Variants in FN1 observed in about 807,000 individuals in gnomAD.
The protein encoded by FN1 is fibronectin 1.
Under a neutral mutation model 297.3 loss-of-function variants are expected in FN1, and 106 were observed. That is an observed-to-expected ratio of 0.36 (90% CI 0.30 to 0.42). FN1 has a LOEUF of 0.42. Among genes scored for constraint, FN1 ranks in the 10% least tolerant of loss-of-function variants. FN1 has a pLI of 1.00. For missense variants in FN1, 2,690 were observed against 3,124.9 expected, an observed-to-expected ratio of 0.86 and a Z score of 3.32; for synonymous variants, 1,149 against 1,152.6, an observed-to-expected ratio of 1.00 and a Z score of 0.06.
chr2:215,383,501 G>C lies in FN1; in HGVS notation c.4895-18C>G, dbSNP rs1169283352. The stretch of plus-strand genomic sequence containing the variant: ...GTCAATTTCTACAAATAAAAGCAGG[G>C]AGAAACCAGTGAAGCCCCAGTCCTT... On this transcript the variant is annotated intron_variant, in intron 30 of 45. Transcript: ENST00000354785. 1 of 1,613,932 alleles carries C rather than the reference G, an allele frequency of 6.2e-7. No homozygotes were observed. The highest frequency in any genetic ancestry group is 1.7e-5 in the Admixed American group (1 of 59,992).
At chr2:215,405,343 G>A (rs527688973) in intron 19 of FN1, among the ~76,000 whole-genome samples, 65 of 152,144 alleles carry the variant, frequency 4.3e-4, no homozygotes, top group Non-Finnish European at 7.6e-4. Context: ...CATGGGCTTC[G>A]GACATAGGTT....
At chr2:215,400,751 CAAAA>C (rs1175226865) in intron 20 of FN1, among the ~76,000 whole-genome samples, 4 of 56,218 alleles carry the variant, frequency 7.1e-5, no homozygotes, top group Non-Finnish European at 1.1e-4. Flanking sequence ...GGCTCCATCT[CAAAA>C]AAAAAAAAAA....
chr2:215,394,275 C>T (rs919258030), intron 24 of FN1, among the ~76,000 whole-genome samples: 1 of 152,170 alleles, frequency 6.6e-6, no homozygotes, highest in Non-Finnish European at 1.5e-5. Context: ...AGAGTTAAAG[C>T]CATGGCTGCC....
rs1349968703 is a variant in FN1 at position 215,431,720 on chromosome 2, TTTA to T, written c.547+110_547+112del. The T allele has an allele frequency of 2.7e-6, 3 of 1,095,160 alleles. No homozygotes were observed. The Admixed American group carries it at 5.1e-5, about 19-fold the overall frequency. 67.8% of individuals were successfully genotyped at this position (1,095,160 alleles called of 1,614,324 possible). On this transcript the variant is annotated intron_variant, in intron 4 of 45. Coordinates refer to ENST00000354785, the MANE Select transcript of FN1 (RefSeq NM_212482.4). ...TTATTTCAAACAAAATTCCCATTTC[TTTA>T]TTGGTTTTCACTGGAATTCAGGTCT...
intron 44 of FN1, 182 bp downstream of exon 44, chr2:215,364,697 G>C (rs1373095203): frequency 1.6e-6 from 1 of 627,600 alleles, no homozygotes; most frequent in Non-Finnish European, 2.9e-6. Context: ...AGAATGAATG[G>C]CATGTAAGGT....
At chr2:215,379,543 A>G (rs2057902908) in intron 33 of FN1, 1 of 493,548 alleles carries the variant, frequency 2.0e-6, no homozygotes, top group Non-Finnish European at 3.6e-6. Flanking sequence ...ATCACTGAAA[A>G]CATTTGGGTA....
chr2:215,389,654 G>A (rs2059468197), intron 26 of FN1, among the ~76,000 whole-genome samples: 1 of 151,994 alleles, frequency 6.6e-6, no homozygotes, highest in African/African-American at 2.4e-5. Context: ...GCTGGGCGTG[G>A]TGGCTCACGC....
At position 215,428,217 on chromosome 2, in the gene FN1, C is replaced by T. The variant is rs149709418; in HGVS notation, c.807G>A (p.Lys269=). 304 of 1,614,126 alleles carry T rather than the reference C, an allele frequency of 1.9e-4. 1 individual carries two copies. Among genetic ancestry groups the T allele is most frequent in the Middle Eastern group, 4.9e-4 (3 of 6,074 alleles). The change falls in exon 6 of 46, where the codon AAG becomes AAA. Residue 269 remains lysine, a synonymous_variant. Coordinates refer to ENST00000354785, the MANE Select transcript of FN1 (RefSeq NM_212482.4). ...ICTGNGRGEW[K]CERHTSVQTT... ...TCTGCACAGAGGTGTGCCTCTCACA[C>T]TTCCACTCTCCTCGGCCGTTGCCTG...
intron 24 of FN1, 105 bp from the exon 25 acceptor site, chr2:215,393,308 G>A (rs2106096562): frequency 9.0e-7 from 1 of 1,111,026 alleles, no homozygotes; most frequent in South Asian, 1.5e-5. Context: ...AGTAAAATTG[G>A]TGGAATGTTA....
chr2:215,365,966 A>ATTTTTTTTT (rs559516647), intron 42 of FN1, among the ~76,000 whole-genome samples: 853 of 90,194 alleles, frequency 9.5e-3, no homozygotes, highest in African/African-American at 0.012. Flanking sequence ...CCACAGTGCT[A>ATTTTTTTTT]TTTTTTTTTT....
chr2:215,407,061 AAAC>A lies in FN1; in HGVS notation c.2713+63_2713+65del, dbSNP rs1191031118. 2.3e-6 allele frequency: 3 copies of A among 1,284,018 alleles called. No individual in the cohort carries two copies. In the East Asian group the frequency reaches 6.9e-5, roughly 30 times the overall value. 79.5% of individuals were successfully genotyped at this position (1,284,018 alleles called of 1,614,324 possible). A position where few individuals can be genotyped will look rare whatever the true frequency, so the allele number is the denominator to read the frequency against. On this transcript the variant is annotated intron_variant, in intron 18 of 45. Coordinates refer to ENST00000354785, the MANE Select transcript of FN1 (RefSeq NM_212482.4). ...AATGAGAGGACTGTTGACAGAGACA[AAAC>A]AACCCTCCTTCAGGAACAATCCTGA...
At chr2:215,420,556 C>T in intron 11 of FN1, 117 bp downstream of exon 11, 1 of 1,292,360 alleles carries the variant, frequency 7.7e-7, no homozygotes, top group Non-Finnish European at 1.1e-6. Context: ...TCTTTGCAAG[C>T]AACTGATCAA....
At chr2:215,393,926 C>A (rs1319436936) in intron 24 of FN1, among the ~76,000 whole-genome samples, 4 of 151,980 alleles carry the variant, frequency 2.6e-5, no homozygotes, top group African/African-American at 9.7e-5. Context: ...GACAAACAAG[C>A]CTATCCTTAG....
chr2:215,384,878 T>C lies in FN1; in HGVS notation c.4711A>G (p.Ile1571Val), dbSNP rs2058700473. ...GCTGTACCTGTCTCTCCGTAAGTGA[T>C]CCTGTAATATCTCACTGTGACAGCA... Reference protein sequence around the residue: ...APAVTVRYYRITYGETGGNSP... With the variant: ...APAVTVRYYRVTYGETGGNSP... Residue 1571 changes from isoleucine (I) to valine (V), a missense_variant, in exon 29 of 46, where the codon ATC becomes GTC. Ile to Val is a conservative substitution (Grantham distance 29). Around this residue, in one of 3 missense-constraint regions of FN1, gnomAD observed 1,743 missense variants for 1,945.2 expected, o/e 0.90. Transcript: ENST00000354785. The C allele has an allele frequency of 8.7e-6, 14 of 1,609,310 alleles. No homozygotes were observed. The highest frequency in any genetic ancestry group is 1.2e-5 in the Non-Finnish European group (14 of 1,175,616).
intron 38 of FN1, among the ~76,000 whole-genome samples, chr2:215,374,143 G>C (rs1257595477): frequency 6.6e-6 from 1 of 152,178 alleles, no homozygotes; most frequent in African/African-American, 2.4e-5. Context: ...CTCAGTGGCA[G>C]ATCAATGAAA....
At chr2:215,375,576 G>A in intron 37 of FN1, 53 bp downstream of exon 37, 1 of 1,370,690 alleles carries the variant, frequency 7.3e-7, no homozygotes. Flanking sequence ...TTGAGTTCAT[G>A]AAACTGATTG....
chr2:215,421,955 C>G, intron 10 of FN1, 136 bp downstream of exon 10: 1 of 852,776 alleles, frequency 1.2e-6, no homozygotes, highest in Non-Finnish European at 2.0e-6. Flanking sequence ...TCTTACCATG[C>G]ACAGTAGACT....
At chr2:215,432,431 G>C (rs1288519494) in intron 3 of FN1, among the ~76,000 whole-genome samples, 1 of 152,212 alleles carries the variant, frequency 6.6e-6, no homozygotes, top group Admixed American at 6.5e-5. Context: ...TGCATATAAA[G>C]TGTGGAAATC....
At chr2:215,372,578 G>A in intron 39 of FN1, 3 of 609,956 alleles carry the variant, frequency 4.9e-6, no homozygotes, top group Admixed American at 2.8e-5. Context: ...TTATAGTTTA[G>A]AAAGAAAAAA....
Sources: gnomAD v4.1 joint callset for allele counts (sites outside exome capture counted in the v4.1 genomes callset) on GRCh38, gnomAD v4.1.1 for gene constraint, gnomAD v4.1.1 regional missense constraint, MANE v1.5 for transcripts, NCBI Gene and HGNC (gene_info 2026-07-23, HGNC 2026-07-21) for gene names.